The following FHIP1A variants were observed in gnomAD, a reference collection of about 807,000 sequenced individuals.
FHIP1A encodes the protein FHF complex subunit HOOK interacting protein 1A, also known as FHF complex subunit HOOK-interacting protein 1A.
A neutral mutation model predicts 88.6 loss-of-function variants in FHIP1A; 61 were observed. The ratio of observed to expected loss-of-function variants is 0.69; its 90% CI spans 0.56 to 0.85. The LOEUF is 0.85. FHIP1A is among the 40% of genes least tolerant of loss of function. The pLI, the probability that FHIP1A is intolerant of heterozygous loss-of-function variation, is 0.00. For synonymous variants in FHIP1A, 478 were observed against 496.0 expected (o/e 0.96, Z 0.48); for missense variants, 1,154 against 1,273.5 (o/e 0.91, Z 1.43).
chr4:151,461,702 C>T (rs1046292540), intron 2 of FHIP1A, among the ~76,000 whole-genome samples: 6 of 152,126 alleles, frequency 3.9e-5, no homozygotes, highest in Admixed American at 2.0e-4. Flanking sequence ...TGTGGAGCCA[C>T]GGCAGTTATG....
At position 151,662,625 on chromosome 4, in the gene FHIP1A, G is replaced by C; in HGVS notation, c.2994G>C (p.Leu998=). ...KVAEAPPNLP[L]PVRNPMLAAA... is the part of the protein sequence containing the mutation. ...CTGAGGCACCCCCCAACCTGCCCCT[G>C]CCGGTGAGGAACCCCATGCTGGCTG... Residue 998 remains leucine (L), a synonymous_variant, in exon 14 of 14, where the codon CTG becomes CTC. Coordinates refer to ENST00000435205, the MANE Select transcript of FHIP1A (RefSeq NM_001109977.3). 1 of 1,551,648 alleles carries C rather than the reference G, an allele frequency of 6.4e-7. No individual in the cohort carries two copies.
chr4:151,480,637 C>G (rs1419742064), intron 2 of FHIP1A, among the ~76,000 whole-genome samples: 1 of 151,934 alleles, frequency 6.6e-6, no homozygotes, highest in Non-Finnish European at 1.5e-5. Flanking sequence ...CTGGTAGTTC[C>G]CAGGTGGTTA....
In FHIP1A at chr4:151,650,357, G is replaced by GAATT; in HGVS notation, c.2318_2321dup (p.Tyr774Ter). ...CCGGCGCCGAGGGCTTGATGGAACAGAATTACCCCACACCTGATCCCTTGC... is the reference window on the plus strand; with the variant it reads ...CCGGCGCCGAGGGCTTGATGGAACAGAATTAATTACCCCACACCTGATCCCTTGC... On this transcript the variant is annotated frameshift_variant, in exon 11 of 14. Coordinates refer to ENST00000435205, the MANE Select transcript of FHIP1A (RefSeq NM_001109977.3). LOFTEE classifies it high-confidence loss of function. The GAATT allele has an allele frequency of 6.4e-7, 1 of 1,551,762 alleles. No homozygotes were observed. Among genetic ancestry groups the GAATT allele is most frequent in the Non-Finnish European group, 8.7e-7 (1 of 1,147,016 alleles).
At chr4:151,590,689 A>G (rs1734392361) in intron 7 of FHIP1A, among the ~76,000 whole-genome samples, 1 of 152,232 alleles carries the variant, frequency 6.6e-6, no homozygotes, top group Non-Finnish European at 1.5e-5. Flanking sequence ...AAGTGCCAAC[A>G]GAGTGCTGGC....
chr4:151,412,857 T>A (rs1367291625), intron 1 of FHIP1A, among the ~76,000 whole-genome samples: 3 of 151,562 alleles, frequency 2.0e-5, no homozygotes, highest in African/African-American at 7.3e-5. Flanking sequence ...GCTAATTTTG[T>A]ATTTTAAGTA....
intron 1 of FHIP1A, among the ~76,000 whole-genome samples, chr4:151,409,677 G>A (rs34481993): frequency 7.9e-5 from 12 of 152,116 alleles, no homozygotes; most frequent in African/African-American, 1.2e-4. Flanking sequence ...CAGGGGGGAG[G>A]AGGTGACTTC....
intron 3 of FHIP1A, among the ~76,000 whole-genome samples, chr4:151,527,726 A>G (rs532908208): frequency 6.6e-6 from 1 of 152,352 alleles, no homozygotes; most frequent in African/African-American, 2.4e-5. Context: ...CTGTGCATGA[A>G]GAAATTCTGT....
At chr4:151,507,159 T>C (rs991999354) in intron 3 of FHIP1A, among the ~76,000 whole-genome samples, 2 of 152,182 alleles carry the variant, frequency 1.3e-5, no homozygotes, top group Non-Finnish European at 2.9e-5. Flanking sequence ...GGTCTCACTC[T>C]GTCACCCAGG....
intron 3 of FHIP1A, among the ~76,000 whole-genome samples, chr4:151,558,628 A>C (rs1040589234): frequency 6.6e-6 from 1 of 152,232 alleles, no homozygotes; most frequent in Non-Finnish European, 1.5e-5. Flanking sequence ...AGCTGAGTGC[A>C]GGAAGCTTTT....
In FHIP1A at chr4:151,586,610, G is replaced by A. The variant is rs967868524; in HGVS notation, c.733-31G>A. 11 of 1,519,176 alleles carry A rather than the reference G, an allele frequency of 7.2e-6. No homozygotes were observed. In the South Asian group the frequency reaches 9.8e-5, roughly 14 times the overall value. The allele number at this position is 1,519,176 out of a possible 1,614,324, so 94.1% of individuals were successfully genotyped here. A position where few individuals can be genotyped will look rare whatever the true frequency, so the allele number is the denominator to read the frequency against. ...ATTGCAGGTTGAGAACTTTGGAAAA[G>A]CATTTATTTTGTTTTTATTTCTGAA... On this transcript the variant is annotated intron_variant, in intron 5 of 13. Coordinates refer to ENST00000435205, the MANE Select transcript of FHIP1A (RefSeq NM_001109977.3).
chr4:151,459,117 T>C (rs2709816), intron 2 of FHIP1A, among the ~76,000 whole-genome samples: 79,055 of 151,912 alleles, frequency 0.52, 20,874 homozygotes, highest in African/African-American at 0.55. Context: ...GGAAACACAG[T>C]GGCCTCTGTG....
chr4:151,444,424 G>A (rs2724547), intron 1 of FHIP1A, among the ~76,000 whole-genome samples: 79,004 of 151,810 alleles, frequency 0.52, 20,832 homozygotes, highest in African/African-American at 0.55. Context: ...AATAAAATGA[G>A]CATTGATACC....
intron 5 of FHIP1A, among the ~76,000 whole-genome samples, chr4:151,583,080 A>G (rs971284952): frequency 6.6e-6 from 1 of 151,754 alleles, no homozygotes; most frequent in African/African-American, 2.4e-5. Flanking sequence ...CTTGTTCACT[A>G]CTCTTTCCCC....
Position 151,577,828 on chromosome 4 carries a change from C to G in FHIP1A, c.484C>G (p.Leu162Val), listed in dbSNP as rs1733858577. Residue 162 changes from leucine (L) to valine (V), a missense_variant, in exon 5 of 14, where the codon CTG (leucine) becomes GTG (valine). Leu to Val is a conservative substitution (Grantham distance 32, BLOSUM62 1). Coordinates refer to ENST00000435205, the MANE Select transcript of FHIP1A (RefSeq NM_001109977.3). ...GTTTPTVEEK[L>V]VVLLNQLCSI... is the part of the protein sequence containing the mutation. ...AACCACCCCCACTGTGGAGGAGAAG[C>G]TGGTTGTCCTACTCAATCAGCTCTG... is the stretch of plus-strand genomic sequence containing the variant. 1.3e-6 allele frequency: 2 copies of G among 1,551,918 alleles called. No homozygotes were observed. Among genetic ancestry groups the G allele is most frequent in the East Asian group, 4.9e-5 (2 of 40,920 alleles).
chr4:151,479,183 T>C (rs1038318713), intron 2 of FHIP1A, among the ~76,000 whole-genome samples: 1 of 152,072 alleles, frequency 6.6e-6, no homozygotes, highest in African/African-American at 2.4e-5. Flanking sequence ...AATTGTGAGC[T>C]TAATATGGAG....
chr4:151,582,922 C>T (rs576974587), intron 5 of FHIP1A, among the ~76,000 whole-genome samples: 2 of 152,284 alleles, frequency 1.3e-5, no homozygotes, highest in African/African-American at 4.8e-5. Context: ...CTATTCATCT[C>T]TTAACCTAGA....
At chr4:151,430,008 A>G (rs2724567) in intron 1 of FHIP1A, among the ~76,000 whole-genome samples, 79,043 of 151,988 alleles carry the variant, frequency 0.52, 20,858 homozygotes, top group African/African-American at 0.55. Context: ...TCCTAAAAGA[A>G]TTGTTCCTAA....
chr4:151,650,728 T>C lies in FHIP1A; in HGVS notation c.2551+136T>C, dbSNP rs1737000259. 6 of 1,140,662 alleles carry C rather than the reference T, an allele frequency of 5.3e-6. No individual in the cohort carries two copies. The African/African-American group carries it at 7.8e-5, about 15-fold the overall frequency. The allele number at this position is 1,140,662 out of a possible 1,614,324, so 70.7% of individuals were successfully genotyped here. A position where few individuals can be genotyped will look rare whatever the true frequency, so the allele number is the denominator to read the frequency against. ...AGGGCTGCAAATATTTTTGTAAAGATCAAAGAGGGGTGGCTTTATTTTTAT... is the reference window on the plus strand; with the variant it reads ...AGGGCTGCAAATATTTTTGTAAAGACCAAAGAGGGGTGGCTTTATTTTTAT... On this transcript the variant is annotated intron_variant, in intron 11 of 13. Transcript: ENST00000435205.
chr4:151,505,026 C>T (rs1730783922), intron 3 of FHIP1A, among the ~76,000 whole-genome samples: 1 of 152,180 alleles, frequency 6.6e-6, no homozygotes, highest in African/African-American at 2.4e-5. Context: ...CTGTTTGTCT[C>T]TGTGTCTCCT....
Sources: allele counts gnomAD v4.1 joint callset (sites outside exome capture counted in the v4.1 genomes callset), GRCh38; gene constraint gnomAD v4.1.1; transcripts MANE v1.5; gene names NCBI Gene and HGNC (gene_info 2026-07-23, HGNC 2026-07-21).